Variants in FAM120B observed in about 807,000 individuals in gnomAD.
The protein encoded by FAM120B is constitutive coactivator of peroxisome proliferator-activated receptor gamma.
Under a neutral mutation model 96.3 loss-of-function variants are expected in FAM120B, and 83 were observed. The ratio of observed to expected loss-of-function variants is 0.86; its 90% CI spans 0.72 to 1.03. FAM120B has a LOEUF of 1.03. FAM120B is among the 50% of genes least tolerant of loss of function. The pLI, the probability that FAM120B is intolerant of heterozygous loss-of-function variation, is 0.00. For synonymous variants in FAM120B, 407 were observed against 402.7 expected (o/e 1.01, Z -0.13); for missense variants, 1,027 against 1,121.2 (o/e 0.92, Z 1.20).
chr6:170,343,307 A>G (rs1198784448), intron 4 of FAM120B, among the ~76,000 whole-genome samples: 2 of 150,984 alleles, frequency 1.3e-5, no homozygotes, highest in East Asian at 1.9e-4. Context: ...GGACTTCCAC[A>G]TATTCTGAGG....
At chr6:170,396,741 C>A (rs948631628) in intron 9 of FAM120B, among the ~76,000 whole-genome samples, 5 of 152,176 alleles carry the variant, frequency 3.3e-5, no homozygotes, top group African/African-American at 4.8e-5. Flanking sequence ...CAGTGCAGGG[C>A]AACTGAGATC....
intron 5 of FAM120B, among the ~76,000 whole-genome samples, chr6:170,357,299 T>C (rs1788014544): frequency 6.6e-6 from 1 of 152,028 alleles, no homozygotes. Flanking sequence ...GAGAGGAATG[T>C]CTCTACCTCC....
At chr6:170,388,792 C>G (rs1263280379) in intron 7 of FAM120B, among the ~76,000 whole-genome samples, 1 of 152,156 alleles carries the variant, frequency 6.6e-6, no homozygotes, top group African/African-American at 2.4e-5. Context: ...TTAAGGGCTC[C>G]AAATCCTTCT....
intron 6 of FAM120B, among the ~76,000 whole-genome samples, chr6:170,365,190 G>C (rs1788706323): frequency 6.6e-6 from 1 of 152,254 alleles, no homozygotes; most frequent in Non-Finnish European, 1.5e-5. Context: ...TTGTGTGTGT[G>C]TGAAGGTGGT....
chr6:170,332,919 T>A lies in FAM120B; in HGVS notation c.2017+2369T>A, dbSNP rs184299646. The stretch of plus-strand genomic sequence containing the variant: ...GTGGCCCATGTTCTTTCTTTTTTTT[T>A]AAAGTCTTTTTCCTCTGGTAGCACA... On this transcript the variant is annotated intron_variant, in intron 4 of 10. Coordinates refer to ENST00000476287, the MANE Select transcript of FAM120B (RefSeq NM_032448.3). 5.4e-3 allele frequency among the ~76,000 whole-genome samples: 817 copies of A among 152,238 alleles called. 23 individuals are homozygous for A. The highest frequency in any genetic ancestry group is 0.04 in the East Asian group (208 of 5,178).
intron 4 of FAM120B, among the ~76,000 whole-genome samples, chr6:170,337,278 C>T (rs1168950488): frequency 6.6e-6 from 1 of 152,168 alleles, no homozygotes; most frequent in Non-Finnish European, 1.5e-5. Context: ...TTTTCTGCAT[C>T]TATTGAGATA....
intron 6 of FAM120B, among the ~76,000 whole-genome samples, chr6:170,368,183 T>C (rs535669646): frequency 6.6e-6 from 1 of 152,240 alleles, no homozygotes; most frequent in East Asian, 1.9e-4. Context: ...TAGACCAGGG[T>C]TTTAGGCTCA....
intron 3 of FAM120B, among the ~76,000 whole-genome samples, chr6:170,327,096 G>C (rs1011873500): frequency 6.6e-6 from 1 of 151,764 alleles, no homozygotes; most frequent in African/African-American, 2.4e-5. Flanking sequence ...GCCCAGGCTG[G>C]AGGGCAGTAG....
chr6:170,369,037 A>T (rs1789001347), intron 6 of FAM120B, among the ~76,000 whole-genome samples: 1 of 151,372 alleles, frequency 6.6e-6, no homozygotes, highest in Non-Finnish European at 1.5e-5. Flanking sequence ...GGAAGGACGT[A>T]TTTGCCCGTA....
chr6:170,308,933 A>C (rs1784442484), intron 1 of FAM120B, among the ~76,000 whole-genome samples: 1 of 152,244 alleles, frequency 6.6e-6, no homozygotes, highest in South Asian at 2.1e-4. Context: ...GTAACTCAGC[A>C]TGTTGGACAG....
At chr6:170,376,561 CA>C (rs1440462389) in intron 6 of FAM120B, among the ~76,000 whole-genome samples, 7 of 152,052 alleles carry the variant, frequency 4.6e-5, no homozygotes, top group African/African-American at 1.7e-4. Flanking sequence ...CCACGTGCAG[CA>C]GAGCGGTATG....
At chr6:170,322,151 C>T (rs1190229730) in intron 2 of FAM120B, among the ~76,000 whole-genome samples, 1 of 152,240 alleles carries the variant, frequency 6.6e-6, no homozygotes, top group Non-Finnish European at 1.5e-5. Context: ...TCATCACCTA[C>T]CATGAGCCAG....
At chr6:170,387,871 A>C (rs1790274588) in intron 6 of FAM120B, among the ~76,000 whole-genome samples, 1 of 152,222 alleles carries the variant, frequency 6.6e-6, no homozygotes, top group African/African-American at 2.4e-5. Flanking sequence ...AAAGTTGTTC[A>C]GGAAAGAATG....
chr6:170,353,159 T>C (rs555548263), intron 5 of FAM120B, among the ~76,000 whole-genome samples: 4 of 152,262 alleles, frequency 2.6e-5, no homozygotes, highest in African/African-American at 9.6e-5. Flanking sequence ...ATATGCCTTC[T>C]TGAGACTGAA....
intron 1 of FAM120B, among the ~76,000 whole-genome samples, chr6:170,300,777 C>A (rs1015553485): frequency 2.0e-5 from 3 of 152,210 alleles, no homozygotes; most frequent in African/African-American, 7.2e-5. Context: ...AGTCATTAAA[C>A]CTTAAAGTTC....
intron 9 of FAM120B, among the ~76,000 whole-genome samples, chr6:170,399,810 T>A (rs1778447224): frequency 7.3e-6 from 1 of 137,928 alleles, no homozygotes; most frequent in Non-Finnish European, 1.5e-5. Flanking sequence ...TAGAACTATG[T>A]CATAAGCCTT....
intron 9 of FAM120B, among the ~76,000 whole-genome samples, chr6:170,398,357 G>A (rs566248814): frequency 6.6e-6 from 1 of 152,236 alleles, no homozygotes; most frequent in Non-Finnish European, 1.5e-5. Context: ...GAGTGAGTGG[G>A]AAAGGTAGAA....
At position 170,321,911 on chromosome 6, in the gene FAM120B, A is replaced by C. The variant is rs144108817; in HGVS notation, c.1735-1168A>C. On this transcript the variant is annotated intron_variant, in intron 2 of 10. Transcript: ENST00000476287. ...CTATTTAAATACATATAAATGAGAC[A>C]CTCTTAGGATTCAGAGTTTTTGGTA... Among the ~76,000 whole-genome samples the C allele has an allele frequency of 3.0e-3, 455 of 152,282 alleles. 1 individual carries two copies. Among genetic ancestry groups the C allele is most frequent in the African/African-American group, 0.011 (438 of 41,550 alleles).
chr6:170,303,495 GC>G, upstream of FAM120B, among the ~76,000 whole-genome samples: 1 of 152,288 alleles, frequency 6.6e-6, no homozygotes, highest in Non-Finnish European at 1.5e-5. Context: ...TCTTACCTTG[GC>G]CCCCCAAAGT....
Sources: gnomAD v4.1 joint callset for allele counts (sites outside exome capture counted in the v4.1 genomes callset) on GRCh38, gnomAD v4.1.1 for gene constraint, MANE v1.5 for transcripts, NCBI Gene and HGNC (gene_info 2026-07-23, HGNC 2026-07-21) for gene names.